The following PRAMEF15 variants were observed in gnomAD, a reference collection of about 807,000 sequenced individuals.
PRAMEF15 encodes PRAME family member 9/15.
A neutral mutation model predicts 35.3 loss-of-function variants in PRAMEF15; 21 were observed. That is an observed-to-expected ratio of 0.59 (90% CI 0.42 to 0.86). The LOEUF (loss-of-function observed/expected upper bound fraction) is 0.86. Among genes scored for constraint, PRAMEF15 ranks in the 40% least tolerant of loss-of-function variants. PRAMEF15 has a pLI of 0.00. For missense variants in PRAMEF15, 360 were observed against 574.1 expected, an observed-to-expected ratio of 0.63 and a Z score of 3.81; for synonymous variants, 122 against 223.3, an observed-to-expected ratio of 0.55 and a Z score of 4.05.
At position 13,321,792 on chromosome 1, in the gene PRAMEF15, T is replaced by G; in HGVS notation, c.965T>G (p.Ile322Ser). 1 of 1,608,720 alleles carries G rather than the reference T, an allele frequency of 6.2e-7. No individual in the cohort carries two copies. The highest frequency in any genetic ancestry group is 8.5e-7 in the Non-Finnish European group (1 of 1,177,698). Residue 322 changes from isoleucine to serine, a missense_variant, in exon 4 of 4, where the codon ATC becomes AGC. Ile to Ser is a moderately radical substitution (Grantham distance 142, BLOSUM62 -2). Around this residue, in one of 8 missense-constraint regions of PRAMEF15, gnomAD observed 72 missense variants for 79.9 expected, o/e 0.90. Transcript: ENST00000376152. ...AAGCATCTATCCCAGTGCCCGAGTATCAGTCAACTAAAGACCCTGGACCTG... is the reference window on the plus strand; with the variant it reads ...AAGCATCTATCCCAGTGCCCGAGTAGCAGTCAACTAAAGACCCTGGACCTG... ...DLKHLSQCPSISQLKTLDLSG... is the reference protein window; with the variant it reads ...DLKHLSQCPSSSQLKTLDLSG...
intron 3 of PRAMEF15, among the ~76,000 whole-genome samples, chr1:13,321,274 G>A (rs1640080182): frequency 6.8e-6 from 1 of 147,936 alleles, no homozygotes; most frequent in African/African-American, 2.5e-5. Flanking sequence ...GAGTGTAGTG[G>A]CATGATCTCT....
At chr1:13,320,885 C>T (rs1197322840) in intron 3 of PRAMEF15, among the ~76,000 whole-genome samples, 5,134 of 148,518 alleles carry the variant, frequency 0.035, no homozygotes, top group East Asian at 0.17. Context: ...GTAAAAGTTT[C>T]TTTTGAGCTC....
At chr1:13,320,163 C>T (rs1282204361) in intron 3 of PRAMEF15, among the ~76,000 whole-genome samples, 3 of 152,064 alleles carry the variant, frequency 2.0e-5, no homozygotes, top group African/African-American at 4.8e-5. Context: ...AGGGGAGATG[C>T]TATGGAGAGG....
chr1:13,316,759 A>G (rs2100314058), intron 1 of PRAMEF15, among the ~76,000 whole-genome samples: 1 of 151,984 alleles, frequency 6.6e-6, no homozygotes, highest in South Asian at 2.1e-4. Context: ...AAACTGTTTT[A>G]ACTCTGAAAT....
intron 3 of PRAMEF15, 35 bp downstream of exon 3, chr1:13,319,988 C>T: frequency 6.2e-7 from 1 of 1,610,546 alleles, no homozygotes; most frequent in Non-Finnish European, 8.5e-7. Flanking sequence ...CTGCAGACCA[C>T]AGCAGAGCCT....
intron 3 of PRAMEF15, among the ~76,000 whole-genome samples, chr1:13,321,473 C>T (rs1640082425): frequency 6.6e-6 from 1 of 151,734 alleles, no homozygotes; most frequent in Non-Finnish European, 1.5e-5. Context: ...TCTCAGCCTC[C>T]CAAAGTGCTG....
intron 3 of PRAMEF15, among the ~76,000 whole-genome samples, chr1:13,320,424 G>A (rs1369387521): frequency 6.6e-6 from 1 of 151,994 alleles, no homozygotes; most frequent in African/African-American, 2.4e-5. Flanking sequence ...AAACAAACAA[G>A]ATAACTTTTT....
At chr1:13,320,466 C>T in intron 3 of PRAMEF15, among the ~76,000 whole-genome samples, 1 of 151,992 alleles carries the variant, frequency 6.6e-6, no homozygotes, top group East Asian at 1.9e-4. Flanking sequence ...TTTGATCGTC[C>T]AGGCTACAGT....
chr1:13,321,855 T>C lies in PRAMEF15; in HGVS notation c.1028T>C (p.Leu343Pro). The change falls in exon 4 of 4, where the codon CTC (leucine) becomes CCC (proline). Residue 343 changes from leucine to proline, a missense_variant. Leu to Pro is a moderately conservative substitution (Grantham distance 98, BLOSUM62 -3). Coordinates refer to ENST00000376152, the MANE Select transcript of PRAMEF15 (RefSeq NM_001098376.3). ...CTGACCAATTATAGTCTTGTGCCTCTCCAAATTCTCCTAGAAAAAGTTGCA... is the reference window on the plus strand; with the variant it reads ...CTGACCAATTATAGTCTTGTGCCTCCCCAAATTCTCCTAGAAAAAGTTGCA... Reference protein sequence around the residue: ...IRLTNYSLVPLQILLEKVAAT... With the variant: ...IRLTNYSLVPPQILLEKVAAT... 6.2e-7 allele frequency: 1 copy of C among 1,608,352 alleles called. No homozygotes were observed. The highest frequency in any genetic ancestry group is 8.5e-7 in the Non-Finnish European group (1 of 1,177,520).
intron 3 of PRAMEF15, 150 bp from the exon 4 acceptor site, chr1:13,321,553 C>T (rs1163220499): frequency 7.0e-5 from 100 of 1,422,716 alleles, no homozygotes; most frequent in African/African-American, 3.9e-4. Context: ...CTCTTCATCA[C>T]GCATCATCCT....
Position 13,321,960 on chromosome 1 carries a change from G to A in PRAMEF15, c.1133G>A (p.Arg378His), listed in dbSNP as rs1310270168. 5.6e-5 allele frequency: 90 copies of A among 1,610,866 alleles called. No individual in the cohort carries two copies. In the South Asian group the frequency reaches 7.4e-4, roughly 13 times the overall value. ...QVNAILPALS[R>H]CFELNTFSFC... Reference sequence around the variant, plus strand: ...AACGCCATCCTGCCTGCCCTGAGCCGCTGCTTTGAGCTCAACACCTTCAGC... The same window carrying A: ...AACGCCATCCTGCCTGCCCTGAGCCACTGCTTTGAGCTCAACACCTTCAGC... The change falls in exon 4 of 4, where the codon CGC becomes CAC. Residue 378 changes from arginine to histidine, a missense_variant. Coordinates refer to ENST00000376152, the MANE Select transcript of PRAMEF15 (RefSeq NM_001098376.3).
chr1:13,320,193 G>C (rs1361937268), intron 3 of PRAMEF15, among the ~76,000 whole-genome samples: 10 of 152,086 alleles, frequency 6.6e-5, no homozygotes, highest in African/African-American at 1.9e-4. Flanking sequence ...TAGGAAGCTA[G>C]CTACTGGGGG....
chr1:13,316,019 G>T (rs28706502), intron 1 of PRAMEF15, among the ~76,000 whole-genome samples: 1 of 150,402 alleles, frequency 6.6e-6, no homozygotes, highest in East Asian at 1.9e-4. Flanking sequence ...TTGGGGGTGG[G>T]GATGGAGTCT....
Position 13,322,207 on chromosome 1 carries a change from C to A in PRAMEF15, c.1380C>A (p.Cys460Ter). Residue 460 changes from cysteine to a stop codon, truncating the protein, a stop_gained, in exon 4 of 4, where the codon TGC becomes TGA. Transcript: ENST00000376152. LOFTEE classifies it high-confidence loss of function. ...GGATCTTGTTCTGTACTGACTACTG[C>A]CCTGACTGTGGCAACAGGTCATTTT... ...PKRILFCTDYCPDCGNRSFYD... is the reference protein window; with the variant it reads ...PKRILFCTDY The A allele has an allele frequency of 6.2e-7, 1 of 1,606,360 alleles. No individual in the cohort carries two copies. Among genetic ancestry groups the A allele is most frequent in the Non-Finnish European group, 8.5e-7 (1 of 1,177,362 alleles).
At chr1:13,321,255 C>G (rs1419877361) in intron 3 of PRAMEF15, among the ~76,000 whole-genome samples, 1 of 146,916 alleles carries the variant, frequency 6.8e-6, no homozygotes, top group African/African-American at 2.6e-5. Context: ...CTCTCTGTCA[C>G]CCAGGCTGGA....
At position 13,319,629 on chromosome 1, in the gene PRAMEF15, G is replaced by T. The variant is rs1640054716; in HGVS notation, c.551G>T (p.Cys184Phe). 1 of 1,611,684 alleles carries T rather than the reference G, an allele frequency of 6.2e-7. No individual in the cohort carries two copies. The change falls in exon 3 of 4, where the codon TGT (cysteine) becomes TTT (phenylalanine). Residue 184 changes from cysteine (C) to phenylalanine (F), a missense_variant. Transcript: ENST00000376152. ...KQRKDLLHLC[C>F]KKLKILGMPF... ...AGGAAAGATTTACTACACCTGTGCT[G>T]TAAGAAGCTGAAAATTTTGGGAATG...
Position 13,321,749 on chromosome 1 carries a change from C to T in PRAMEF15, c.922C>T (p.Leu308Phe), listed in dbSNP as rs1640086799. The T allele has an allele frequency of 8.1e-6, 13 of 1,609,134 alleles. No individual in the cohort carries two copies. The highest frequency in any genetic ancestry group is 1.3e-5 in the African/African-American group (1 of 74,488). Residue 308 changes from leucine to phenylalanine, a missense_variant, in exon 4 of 4, where the codon CTT (leucine) becomes TTT (phenylalanine). Leu to Phe is a conservative substitution (Grantham distance 22, BLOSUM62 0). Coordinates refer to ENST00000376152, the MANE Select transcript of PRAMEF15 (RefSeq NM_001098376.3). ...AGTCCTCACAATAACTAACTGTGTG[C>T]TTTTGGAATCAGACTTGAAGCATCT... ...LKVLTITNCV[L>F]LESDLKHLSQ...
intron 1 of PRAMEF15, among the ~76,000 whole-genome samples, chr1:13,316,517 G>T (rs1430437373): frequency 1.3e-5 from 2 of 151,334 alleles, no homozygotes; most frequent in East Asian, 1.9e-4. Flanking sequence ...ACATGGCTGT[G>T]GGGGGTGCAT....
chr1:13,318,208 C>T (rs1227018373), intron 1 of PRAMEF15, among the ~76,000 whole-genome samples, 184 bp from the exon 2 acceptor site: 282 of 151,734 alleles, frequency 1.9e-3, no homozygotes, highest in African/African-American at 6.5e-3. Flanking sequence ...GCTTCGGAGA[C>T]GCTCATGCTG....
Sources: allele counts gnomAD v4.1 joint callset (sites outside exome capture counted in the v4.1 genomes callset), GRCh38; gene constraint gnomAD v4.1.1; regional missense constraint gnomAD v4.1.1; transcripts MANE v1.5; gene names NCBI Gene and HGNC (gene_info 2026-07-23, HGNC 2026-07-21).